C17orf67: variants seen among roughly 807,000 people sequenced by gnomAD.
The protein encoded by C17orf67 is chromosome 17 open reading frame 67, also known as uncharacterized protein C17orf67.
A neutral mutation model predicts 11.2 loss-of-function variants in C17orf67; 12 were observed. The ratio of observed to expected loss-of-function variants is 1.07; its 90% CI spans 0.68 to 1.73. The LOEUF (loss-of-function observed/expected upper bound fraction) is 1.73. C17orf67 is among the 40% of genes most tolerant of loss of function. The probability of loss-of-function intolerance (pLI) is 0.00; values close to 1 mark genes in which losing one functional copy is unlikely to be tolerated. For synonymous variants in C17orf67, 59 were observed against 46.9 expected (o/e 1.26, Z -1.05); for missense variants, 115 against 113.5 (o/e 1.01, Z -0.06).
chr17:56,819,298 A>G (rs1378188024), intron 4 of C17orf67, among the ~76,000 whole-genome samples: 3 of 152,028 alleles, frequency 2.0e-5, no homozygotes, highest in East Asian at 1.9e-4. Context: ...TCAGGTTTCA[A>G]TTTGAAATTT....
intron 4 of C17orf67, among the ~76,000 whole-genome samples, chr17:56,823,832 G>C (rs542817570): frequency 1.4e-4 from 21 of 152,230 alleles, no homozygotes; most frequent in African/African-American, 5.1e-4. Flanking sequence ...GAGGTGAATG[G>C]ATAAATAAAC....
chr17:56,806,533 T>A (rs1367678994), intron 6 of C17orf67, among the ~76,000 whole-genome samples: 1 of 152,198 alleles, frequency 6.6e-6, no homozygotes, highest in Admixed American at 6.5e-5. Flanking sequence ...AGTATTGTTT[T>A]GGGTGTGAGT....
intron 7 of C17orf67, among the ~76,000 whole-genome samples, chr17:56,794,623 G>A (rs56024360): frequency 0.13 from 20,393 of 152,120 alleles, 1,429 homozygotes; most frequent in South Asian, 0.16. Flanking sequence ...GAACAGGAGC[G>A]AGATCTGGGA....
intron 2 of C17orf67, among the ~76,000 whole-genome samples, chr17:56,828,853 C>CA (rs11346468): frequency 0.095 from 11,739 of 122,958 alleles, 624 homozygotes; most frequent in African/African-American, 0.15. Flanking sequence ...ACAGTGATGA[C>CA]AAAAAAAAAA....
intron 4 of C17orf67, among the ~76,000 whole-genome samples, chr17:56,817,679 T>G (rs1329514452): frequency 6.6e-6 from 1 of 152,044 alleles, no homozygotes; most frequent in Non-Finnish European, 1.5e-5. Context: ...GGTCTCAAAC[T>G]CGCAGGCTCA....
intron 6 of C17orf67, among the ~76,000 whole-genome samples, chr17:56,809,076 C>G (rs1905525148): frequency 6.6e-6 from 1 of 151,948 alleles, no homozygotes. Context: ...CATGCATTCT[C>G]CAATGATCAC....
intron 2 of C17orf67, among the ~76,000 whole-genome samples, chr17:56,827,885 G>A (rs994657408): frequency 3.3e-5 from 5 of 152,166 alleles, no homozygotes; most frequent in Admixed American, 6.6e-5. Context: ...TGTGGTTTTC[G>A]AACCGCCTCC....
At chr17:56,821,536 C>G (rs1456308302) in intron 4 of C17orf67, among the ~76,000 whole-genome samples, 1 of 152,212 alleles carries the variant, frequency 6.6e-6, no homozygotes, top group Admixed American at 6.5e-5. Context: ...ACTGTTATCT[C>G]TCACCCAGCA....
intron 2 of C17orf67, among the ~76,000 whole-genome samples, chr17:56,830,171 G>A (rs1022777118): frequency 1.1e-4 from 16 of 151,008 alleles, no homozygotes; most frequent in African/African-American, 3.7e-4. Context: ...GTGAAATCCC[G>A]TCTCCACTAA....
chr17:56,796,003 T>A (rs1905207147), intron 6 of C17orf67, among the ~76,000 whole-genome samples: 3 of 152,226 alleles, frequency 2.0e-5, no homozygotes, highest in Admixed American at 2.0e-4. Flanking sequence ...TAAAATCATC[T>A]TTTTTAAAAG....
intron 6 of C17orf67, among the ~76,000 whole-genome samples, chr17:56,798,265 G>C (rs1042144366): frequency 6.6e-6 from 1 of 151,958 alleles, no homozygotes; most frequent in Non-Finnish European, 1.5e-5. Context: ...ACTACCCCTT[G>C]TCCTACCTTC....
chr17:56,805,180 T>C (rs1247536514), intron 6 of C17orf67, among the ~76,000 whole-genome samples: 1 of 152,168 alleles, frequency 6.6e-6, no homozygotes, highest in Admixed American at 6.5e-5. Flanking sequence ...CGTTCTGATT[T>C]ACTAGGGGGA....
intron 2 of C17orf67, among the ~76,000 whole-genome samples, chr17:56,828,671 CCA>C (rs979991466): frequency 2.0e-5 from 3 of 152,092 alleles, no homozygotes; most frequent in Non-Finnish European, 4.4e-5. Context: ...TCTGGTGTGC[CCA>C]GTTGTTTGGT....
In C17orf67 at chr17:56,833,840, C is replaced by T. The variant is rs763100830; in HGVS notation, c.-1224G>A. 1.3e-5 allele frequency: 2 copies of T among 152,206 alleles called. No individual in the cohort carries two copies. The highest frequency in any genetic ancestry group is 2.4e-5 in the African/African-American group (1 of 41,404). The allele number at this position is 152,206 out of a possible 1,614,324, so 9.4% of individuals were successfully genotyped here. A position where few individuals can be genotyped will look rare whatever the true frequency, so the allele number is the denominator to read the frequency against. On this transcript the variant is annotated 5_prime_UTR_variant, in exon 1 of 8. Coordinates refer to ENST00000397861, the MANE Select transcript of C17orf67 (RefSeq NM_001085430.4). Reference sequence around the variant, plus strand: ...GAGGATCCTCGTGGCCTTGCCCCGCCGGCGGCTTTCCAGAATTTTCTACGA... The same window carrying T: ...GAGGATCCTCGTGGCCTTGCCCCGCTGGCGGCTTTCCAGAATTTTCTACGA...
At chr17:56,828,164 G>A (rs1248587678) in intron 2 of C17orf67, among the ~76,000 whole-genome samples, 1 of 149,480 alleles carries the variant, frequency 6.7e-6, no homozygotes, top group African/African-American at 2.5e-5. Context: ...CCAGCACTTT[G>A]GGAGGACAGG....
intron 2 of C17orf67, among the ~76,000 whole-genome samples, chr17:56,826,031 T>C (rs531405665): frequency 6.6e-6 from 1 of 152,286 alleles, no homozygotes; most frequent in African/African-American, 2.4e-5. Context: ...CTCGGCTCAC[T>C]GCAACCTCCA....
At chr17:56,817,283 C>T (rs529683335) in intron 4 of C17orf67, among the ~76,000 whole-genome samples, 26 of 152,208 alleles carry the variant, frequency 1.7e-4, no homozygotes, top group Non-Finnish European at 3.2e-4. Context: ...GAAAACAATA[C>T]CCTATGTGTA....
intron 2 of C17orf67, among the ~76,000 whole-genome samples, chr17:56,832,303 TA>T (rs941932533): frequency 3.9e-5 from 6 of 152,166 alleles, no homozygotes; most frequent in Non-Finnish European, 7.3e-5. Flanking sequence ...CCAGACCCCC[TA>T]AAGTATCTTC....
chr17:56,796,758 C>T (rs757151916), intron 6 of C17orf67, among the ~76,000 whole-genome samples: 45 of 152,098 alleles, frequency 3.0e-4, no homozygotes, highest in Non-Finnish European at 7.4e-5. Flanking sequence ...CCAAGGCTGC[C>T]GCAGACTCCT....
Sources: gnomAD v4.1 joint callset for allele counts (sites outside exome capture counted in the v4.1 genomes callset) on GRCh38, gnomAD v4.1.1 for gene constraint, MANE v1.5 for transcripts, NCBI Gene and HGNC (gene_info 2026-07-23, HGNC 2026-07-21) for gene names.